Variants in KYAT3 observed in about 807,000 individuals in gnomAD.
KYAT3 encodes kynurenine--oxoglutarate transaminase 3.
Under a neutral mutation model 59.0 loss-of-function variants are expected in KYAT3, and 50 were observed. That is an observed-to-expected ratio of 0.85 (90% CI 0.68 to 1.07). The LOEUF (loss-of-function observed/expected upper bound fraction) is 1.07, where lower values mean the gene tolerates loss of function less well. Ranked by LOEUF, KYAT3 falls within the 50% of genes least tolerant of loss-of-function variation. The probability of loss-of-function intolerance (pLI) is 0.00; values close to 1 mark genes in which losing one functional copy is unlikely to be tolerated. For synonymous variants in KYAT3, 148 were observed against 177.0 expected (o/e 0.84, Z 1.30); for missense variants, 497 against 533.3 (o/e 0.93, Z 0.67).
intron 2 of KYAT3, among the ~76,000 whole-genome samples, chr1:88,971,863 G>A (rs930735694): frequency 3.3e-5 from 5 of 152,158 alleles, no homozygotes; most frequent in African/African-American, 1.2e-4. Context: ...AGTACAGCAA[G>A]TCATCACTTA....
At chr1:88,926,292 G>A in the KYAT3 span, among the ~76,000 whole-genome samples, 1 of 152,124 alleles carries the variant, frequency 6.6e-6, no homozygotes, top group Non-Finnish European at 1.5e-5. Flanking sequence ...ACCATACAAA[G>A]GTCCGACCAG....
At chr1:88,925,482 C>T in the KYAT3 span, among the ~76,000 whole-genome samples, 3 of 152,210 alleles carry the variant, frequency 2.0e-5, no homozygotes, top group African/African-American at 4.8e-5. Context: ...AAGCTCTACG[C>T]TGTGTCCTGA....
Position 88,951,931 on chromosome 1 carries a change from G to A in KYAT3, c.954+1132C>T, listed in dbSNP as rs558019029. Among the ~76,000 whole-genome samples the A allele has an allele frequency of 5.9e-5, 9 of 152,212 alleles. No individual in the cohort carries two copies. In the East Asian group the frequency reaches 1.5e-3, roughly 26 times the overall value. ...GGACAGATTATCCATTGGGCCCAAT[G>A]TTATCTCAAAGGTGCTTATAAGGGA... On this transcript the variant is annotated intron_variant, in intron 10 of 13. Coordinates refer to ENST00000260508, the MANE Select transcript of KYAT3 (RefSeq NM_001008661.3).
In KYAT3 at chr1:88,968,699, C is replaced by A. The variant is rs757072967; in HGVS notation, c.274G>T (p.Asp92Tyr). 2.5e-6 allele frequency: 4 copies of A among 1,593,030 alleles called. No homozygotes were observed. Among genetic ancestry groups the A allele is most frequent in the Middle Eastern group, 3.3e-4 (2 of 6,008 alleles). The change falls in exon 4 of 14, where the codon GAT (aspartate) becomes TAT (tyrosine). Residue 92 changes from aspartate (D) to tyrosine (Y), a missense_variant. Around this residue, in one of 2 missense-constraint regions of KYAT3, gnomAD observed 469 missense variants for 479.1 expected, o/e 0.98. Coordinates refer to ENST00000260508, the MANE Select transcript of KYAT3 (RefSeq NM_001008661.3). ...CCTCGTGTATACTGATTCAGGCTAT[C>A]GATTGCTGCAATCTTTGATAATTCT... ...KEELSKIAAI[D>Y]SLNQYTRGFG...
At chr1:88,981,971 T>C in intron 2 of KYAT3, 1 of 984,316 alleles carries the variant, frequency 1.0e-6, no homozygotes, top group Non-Finnish European at 1.2e-6. Context: ...TGGTTGGTTT[T>C]GGCCAAACTT....
the KYAT3 span, among the ~76,000 whole-genome samples, chr1:88,928,510 T>C: frequency 1.3e-5 from 2 of 152,142 alleles, no homozygotes; most frequent in Non-Finnish European, 2.9e-5. Flanking sequence ...ACAAGGACAC[T>C]TTAAAAAAGA....
chr1:88,945,000 C>A (rs1483893468), intron 11 of KYAT3, among the ~76,000 whole-genome samples: 1 of 152,136 alleles, frequency 6.6e-6, no homozygotes, highest in Non-Finnish European at 1.5e-5. Flanking sequence ...TGCGCCACCA[C>A]ACCTGGCTAA....
intron 2 of KYAT3, among the ~76,000 whole-genome samples, chr1:88,975,711 G>A (rs1318503026): frequency 2.0e-5 from 3 of 152,202 alleles, no homozygotes; most frequent in Non-Finnish European, 2.9e-5. Flanking sequence ...GTCAATGACA[G>A]ATTGCATATA....
At chr1:88,985,230 A>C (rs556684190) in intron 2 of KYAT3, among the ~76,000 whole-genome samples, 8 of 152,214 alleles carry the variant, frequency 5.3e-5, no homozygotes, top group Non-Finnish European at 7.3e-5. Flanking sequence ...GAGTAAGTGA[A>C]GGGAGTGCGT....
intron 1 of KYAT3, among the ~76,000 whole-genome samples, chr1:88,992,181 T>C (rs926925167): frequency 6.6e-6 from 1 of 152,108 alleles, no homozygotes; most frequent in Non-Finnish European, 1.5e-5. Flanking sequence ...GGTTTCACCG[T>C]GTTAGCCAGG....
chr1:88,962,162 T>A lies in KYAT3; in HGVS notation c.454-17A>T. ...TAGTATGACCTGCAATAAAAGCAAA[T>A]AAGATCACAACCTGTCAATCATTTA... is the stretch of plus-strand genomic sequence containing the variant. On this transcript the variant is annotated splice_polypyrimidine_tract_variant and intron_variant, in intron 5 of 13. Coordinates refer to ENST00000260508, the MANE Select transcript of KYAT3 (RefSeq NM_001008661.3). 6.5e-7 allele frequency: 1 copy of A among 1,544,136 alleles called. No individual in the cohort carries two copies. Among genetic ancestry groups the A allele is most frequent in the Non-Finnish European group, 9.0e-7 (1 of 1,116,286 alleles).
At chr1:88,953,462 C>G (rs995777958) in intron 9 of KYAT3, among the ~76,000 whole-genome samples, 3 of 150,946 alleles carry the variant, frequency 2.0e-5, no homozygotes, top group African/African-American at 7.3e-5. Flanking sequence ...AGGAGAATCA[C>G]CTCAACCCAG....
the KYAT3 span, among the ~76,000 whole-genome samples, chr1:88,924,607 G>A: frequency 6.6e-6 from 1 of 152,158 alleles, no homozygotes; most frequent in Admixed American, 6.5e-5. Context: ...GCACTGTTCT[G>A]GTCCGTGTTT....
intron 8 of KYAT3, 56 bp downstream of exon 8, chr1:88,961,111 T>C (rs1676120719): frequency 1.9e-6 from 3 of 1,595,192 alleles, no homozygotes; most frequent in Non-Finnish European, 2.6e-6. Flanking sequence ...TCCAATCAGT[T>C]CTTCCATATG....
At chr1:88,955,829 ATGTG>A (rs146197538) in intron 8 of KYAT3, among the ~76,000 whole-genome samples, 2 of 148,366 alleles carry the variant, frequency 1.3e-5, no homozygotes, top group African/African-American at 2.6e-5. Context: ...ATGTGTGCAC[ATGTG>A]TGTGTGTGTG....
intron 2 of KYAT3, chr1:88,984,204 CTTTTTTTTTTTT>C (rs908183722): frequency 6.1e-5 from 5 of 81,752 alleles, no homozygotes; most frequent in Non-Finnish European, 1.3e-4. Flanking sequence ...TTTTTTGTTG[CTTTTTTTTTTTT>C]TTTTTTTTTT....
At chr1:88,938,335 T>A (rs779965982) in intron 13 of KYAT3, among the ~76,000 whole-genome samples, 1 of 152,178 alleles carries the variant, frequency 6.6e-6, no homozygotes, top group Non-Finnish European at 1.5e-5. Flanking sequence ...TTTTCATCCA[T>A]CTTTCTTTTT....
At chr1:88,937,057 A>AC (rs1173824451) in intron 13 of KYAT3, among the ~76,000 whole-genome samples, 1 of 152,102 alleles carries the variant, frequency 6.6e-6, no homozygotes, top group Non-Finnish European at 1.5e-5. Flanking sequence ...TGAGTGGGGT[A>AC]AGTGAGGCAC....
chr1:88,946,149 G>T (rs1675433678), intron 11 of KYAT3, among the ~76,000 whole-genome samples: 1 of 152,178 alleles, frequency 6.6e-6, no homozygotes, highest in Non-Finnish European at 1.5e-5. Context: ...TTCCAGGAAA[G>T]AATTGTTCTT....
Sources: allele counts gnomAD v4.1 joint callset (sites outside exome capture counted in the v4.1 genomes callset), GRCh38; gene constraint gnomAD v4.1.1; regional missense constraint gnomAD v4.1.1; transcripts MANE v1.5; gene names NCBI Gene and HGNC (gene_info 2026-07-23, HGNC 2026-07-21).